OR2L13: variants seen among roughly 807,000 people sequenced by gnomAD.
The protein encoded by OR2L13 is olfactory receptor family 2 subfamily L member 13.
A neutral mutation model predicts 15.3 loss-of-function variants in OR2L13; 14 were observed. The observed-to-expected ratio is 0.91, with a 90% CI of 0.60 to 1.43. The LOEUF (loss-of-function observed/expected upper bound fraction) is 1.43, where lower values mean the gene tolerates loss of function less well. Among genes scored for constraint, OR2L13 ranks in the 40% most tolerant of loss-of-function variants. OR2L13 has a pLI of 0.00. For synonymous variants in OR2L13, 152 were observed against 142.9 expected, an observed-to-expected ratio of 1.06 and a Z score of -0.45; for missense variants, 367 against 387.9, an observed-to-expected ratio of 0.95 and a Z score of 0.45.
the OR2L13 span, among the ~76,000 whole-genome samples, chr1:248,046,125 A>G: frequency 1.3e-3 from 205 of 152,320 alleles, 1 homozygote; most frequent in East Asian, 0.015. Context: ...CAATTCAATT[A>G]ATAAATATTT....
the OR2L13 span, among the ~76,000 whole-genome samples, chr1:247,989,123 A>G: frequency 6.6e-6 from 1 of 152,170 alleles, no homozygotes; most frequent in African/African-American, 2.4e-5. Flanking sequence ...AAGGCAAAAG[A>G]GAATGGATGG....
At chr1:248,083,428 A>C in the OR2L13 span, 17 of 537,364 alleles carry the variant, frequency 3.2e-5, no homozygotes, top group Non-Finnish European at 4.3e-5. Flanking sequence ...ACAAAGTAAT[A>C]TATAGATTTT....
exon 1 of OR2L13, chr1:248,097,346 C>T (rs980269056): frequency 2.6e-5 from 4 of 152,156 alleles, no homozygotes; most frequent in Admixed American, 1.3e-4. Flanking sequence ...ATTTTCCCAG[C>T]TATAAGGTAA....
chr1:248,060,719 T>C, the OR2L13 span: 1 of 1,614,002 alleles, frequency 6.2e-7, no homozygotes, highest in East Asian at 2.2e-5. Context: ...GATTTCATCT[T>C]ATTAGGATTC....
the OR2L13 span, among the ~76,000 whole-genome samples, chr1:248,010,532 G>A: frequency 6.6e-6 from 1 of 152,034 alleles, no homozygotes; most frequent in Non-Finnish European, 1.5e-5. Context: ...GGGTGTTAAA[G>A]TCTCCCATTA....
the OR2L13 span, among the ~76,000 whole-genome samples, chr1:248,010,763 G>GTTTTTTTTTTTTTTTTTTTTTTTTTT: frequency 1.1e-4 from 5 of 44,462 alleles, 1 homozygote; most frequent in African/African-American, 4.0e-4. Flanking sequence ...CTTTGTTGTT[G>GTTTTTTTTTTTTTTTTTTTTTTTTTT]TTTTTTTTTT....
At chr1:248,038,058 T>C in the OR2L13 span, 8 of 449,728 alleles carry the variant, frequency 1.8e-5, no homozygotes, top group African/African-American at 1.2e-4. Context: ...TTTGTAGTTA[T>C]TTTTGTTAAT....
the OR2L13 span, among the ~76,000 whole-genome samples, chr1:247,985,261 C>A: frequency 2.6e-5 from 4 of 151,402 alleles, no homozygotes; most frequent in African/African-American, 9.7e-5. Context: ...CCTTCCCCTA[C>A]CCCCTACCCC....
the OR2L13 span, among the ~76,000 whole-genome samples, chr1:247,986,348 G>A: frequency 1.2e-4 from 19 of 152,168 alleles, no homozygotes; most frequent in African/African-American, 2.7e-4. Flanking sequence ...AGTTTTCCCC[G>A]CACCATTTAT....
the OR2L13 span, chr1:248,021,939 G>A: frequency 6.2e-7 from 1 of 1,605,908 alleles, no homozygotes; most frequent in South Asian, 1.1e-5. Flanking sequence ...AGGATCGTAT[G>A]AATGCCCCAT....
At chr1:248,000,881 A>T in the OR2L13 span, among the ~76,000 whole-genome samples, 2 of 152,004 alleles carry the variant, frequency 1.3e-5, no homozygotes, top group Admixed American at 1.3e-4. Flanking sequence ...AATTTTTTAT[A>T]CTTTCTCAAT....
chr1:248,010,360 T>G, the OR2L13 span, among the ~76,000 whole-genome samples: 1 of 152,178 alleles, frequency 6.6e-6, no homozygotes, highest in East Asian at 1.9e-4. Flanking sequence ...TGGGTCAGTT[T>G]AAGAAGAAGT....
the OR2L13 span, among the ~76,000 whole-genome samples, chr1:247,979,919 T>C: frequency 6.6e-6 from 1 of 152,192 alleles, no homozygotes; most frequent in Non-Finnish European, 1.5e-5. Context: ...TTTTCTTTGC[T>C]ACCTACCCTG....
At chr1:247,956,302 T>G in the OR2L13 span, among the ~76,000 whole-genome samples, 1 of 152,044 alleles carries the variant, frequency 6.6e-6, no homozygotes, top group African/African-American at 2.4e-5. Flanking sequence ...CATTGGTCTA[T>G]ATCTCTGTTT....
the OR2L13 span, among the ~76,000 whole-genome samples, chr1:248,019,048 G>A: frequency 5.9e-5 from 9 of 152,068 alleles, no homozygotes; most frequent in East Asian, 7.7e-4. Context: ...CTCTGTGGAC[G>A]GACACTTGTT....
the OR2L13 span, among the ~76,000 whole-genome samples, chr1:247,961,585 G>C: frequency 1.3e-5 from 2 of 152,130 alleles, no homozygotes; most frequent in African/African-American, 4.8e-5. Context: ...TAATATACAA[G>C]GAAATATCTC....
At chr1:248,007,992 C>T in the OR2L13 span, among the ~76,000 whole-genome samples, 1 of 152,110 alleles carries the variant, frequency 6.6e-6, no homozygotes, top group South Asian at 2.1e-4. Context: ...TTAGTTTGAG[C>T]TGAAAACATT....
chr1:248,084,446 G>T, the OR2L13 span: 1 of 1,607,196 alleles, frequency 6.2e-7, no homozygotes, highest in Non-Finnish European at 8.5e-7. Context: ...GGAGCCGGCC[G>T]GTCCCGGTGA....
the OR2L13 span, chr1:248,061,388 C>T: frequency 8.3e-4 from 1,344 of 1,614,098 alleles, 27 homozygotes; most frequent in East Asian, 0.023. Context: ...AGGAAGAAAG[C>T]CTACCTGACC....
Sources: allele counts gnomAD v4.1 joint callset (sites outside exome capture counted in the v4.1 genomes callset), GRCh38; gene constraint gnomAD v4.1.1; transcripts MANE v1.5; gene names NCBI Gene and HGNC (gene_info 2026-07-23, HGNC 2026-07-21).